The following GPHN variants were observed in gnomAD, a reference collection of about 807,000 sequenced individuals.
GPHN encodes the protein gephyrin.
Under a neutral mutation model 95.5 loss-of-function variants are expected in GPHN, and 17 were observed. The observed-to-expected ratio is 0.18, with a 90% confidence interval of 0.12 to 0.27. GPHN has a LOEUF of 0.27. GPHN is among the 10% of genes least tolerant of loss of function. The pLI, the probability that GPHN is intolerant of heterozygous loss-of-function variation, is 1.00. For missense variants in GPHN, 660 were observed against 978.1 expected (o/e 0.67, Z 4.34); for synonymous variants, 320 against 322.5 (o/e 0.99, Z 0.08).
At chr14:67,606,412 T>C in the GPHN span, among the ~76,000 whole-genome samples, 3 of 152,230 alleles carry the variant, frequency 2.0e-5, no homozygotes, top group Non-Finnish European at 4.4e-5. Context: ...TAAAGGTTTT[T>C]TAATGTAATA....
chr14:66,766,654 T>C (rs1022405102), intron 2 of GPHN, among the ~76,000 whole-genome samples: 2 of 151,988 alleles, frequency 1.3e-5, no homozygotes, highest in African/African-American at 4.8e-5. Flanking sequence ...CAGAATGATA[T>C]AGAAACAATA....
At chr14:67,071,238 G>A (rs1352714740) in intron 11 of GPHN, among the ~76,000 whole-genome samples, 1 of 152,108 alleles carries the variant, frequency 6.6e-6, no homozygotes. Flanking sequence ...CAACCCAAAT[G>A]TCCATCAATG....
chr14:67,244,267 C>T, the GPHN span, among the ~76,000 whole-genome samples: 2 of 152,158 alleles, frequency 1.3e-5, no homozygotes, highest in Non-Finnish European at 2.9e-5. Context: ...GTATACCTAC[C>T]TATAAGTGGA....
intron 1 of GPHN, among the ~76,000 whole-genome samples, chr14:66,569,347 T>G (rs1260918616): frequency 6.6e-6 from 1 of 152,088 alleles, no homozygotes; most frequent in East Asian, 1.9e-4. Flanking sequence ...CCTTCCTCTT[T>G]AACACACACA....
At chr14:67,699,423 C>G in the GPHN span, among the ~76,000 whole-genome samples, 1 of 151,092 alleles carries the variant, frequency 6.6e-6, no homozygotes, top group African/African-American at 2.4e-5. Context: ...AATAAATAAA[C>G]AAAAAATAAA....
chr14:66,865,081 A>T (rs1703791365), intron 4 of GPHN, among the ~76,000 whole-genome samples: 2 of 152,142 alleles, frequency 1.3e-5, no homozygotes, highest in South Asian at 4.1e-4. Context: ...ACGCATGGAG[A>T]TATATAGTAG....
At chr14:67,543,290 T>C in the GPHN span, among the ~76,000 whole-genome samples, 1 of 152,222 alleles carries the variant, frequency 6.6e-6, no homozygotes, top group Non-Finnish European at 1.5e-5. Flanking sequence ...GGCATCACCA[T>C]GGCTAAGGGG....
chr14:67,328,141 C>G, the GPHN span, among the ~76,000 whole-genome samples: 42 of 152,274 alleles, frequency 2.8e-4, no homozygotes, highest in Non-Finnish European at 5.4e-4. Flanking sequence ...CTCTCCAGCA[C>G]CTGTTGTTTC....
the GPHN span, among the ~76,000 whole-genome samples, chr14:67,250,407 A>G: frequency 6.6e-6 from 1 of 152,220 alleles, no homozygotes; most frequent in African/African-American, 2.4e-5. Flanking sequence ...AAAATAAGTT[A>G]TGTGTTAAAC....
At chr14:67,314,512 C>G in the GPHN span, among the ~76,000 whole-genome samples, 1 of 152,080 alleles carries the variant, frequency 6.6e-6, no homozygotes, top group Non-Finnish European at 1.5e-5. Context: ...ATGCTAAAAC[C>G]CGTGATTCTT....
intron 18 of GPHN, among the ~76,000 whole-genome samples, chr14:67,144,274 T>TACAC (rs1567401011): frequency 8.7e-6 from 1 of 115,574 alleles, no homozygotes; most frequent in East Asian, 2.6e-4. Context: ...TATATATATA[T>TACAC]ATATATATAT....
At chr14:67,080,517 T>G (rs1212530361) in intron 11 of GPHN, among the ~76,000 whole-genome samples, 1 of 152,174 alleles carries the variant, frequency 6.6e-6, no homozygotes, top group Non-Finnish European at 1.5e-5. Flanking sequence ...CTTCCTGTTT[T>G]CTTCTAGTTT....
chr14:67,400,188 CAG>C, the GPHN span, among the ~76,000 whole-genome samples: 1 of 152,184 alleles, frequency 6.6e-6, no homozygotes, highest in Non-Finnish European at 1.5e-5. Context: ...TGAGCCCAAA[CAG>C]AATTTACTGT....
chr14:67,439,503 A>G, the GPHN span, among the ~76,000 whole-genome samples: 1 of 152,154 alleles, frequency 6.6e-6, no homozygotes, highest in Admixed American at 6.5e-5. Context: ...GAGCTTGAAA[A>G]TGGACCTAAG....
chr14:66,643,127 G>T (rs899010572), intron 1 of GPHN, among the ~76,000 whole-genome samples: 2 of 151,994 alleles, frequency 1.3e-5, no homozygotes, highest in Middle Eastern at 3.2e-3. Context: ...TTCACAAATA[G>T]TATATGTTCA....
the GPHN span, among the ~76,000 whole-genome samples, chr14:67,599,737 G>A: frequency 6.6e-6 from 1 of 152,222 alleles, no homozygotes; most frequent in Non-Finnish European, 1.5e-5. Context: ...GGCAGTTAAA[G>A]TTTTAGGCCG....
chr14:67,626,544 G>A, the GPHN span, among the ~76,000 whole-genome samples: 3 of 151,916 alleles, frequency 2.0e-5, no homozygotes, highest in Admixed American at 2.0e-4. Context: ...AGACAGTCTC[G>A]CTCTTTCACC....
rs186576659 is a variant in GPHN, at chr14:66,683,568, A to T, written c.143+2383A>T. 3.9e-3 allele frequency among the ~76,000 whole-genome samples: 537 copies of T among 138,748 alleles called. 1 individual carries two copies. Among genetic ancestry groups the T allele is most frequent in the Non-Finnish European group, 5.0e-3 (332 of 65,844 alleles). The allele number at this position is 138,748 out of a possible 152,430, so 91.0% of individuals were successfully genotyped here. ...CTTTTCTGTCTCAGACTCTTGGCAT[A>T]AATGTTCACTACTTTTCATTGATTC... On this transcript the variant is annotated intron_variant, in intron 2 of 22. Coordinates refer to ENST00000478722, the MANE Select transcript of GPHN (RefSeq NM_020806.5).
chr14:67,206,627 T>C, the GPHN span, among the ~76,000 whole-genome samples: 1 of 152,142 alleles, frequency 6.6e-6, no homozygotes, highest in Non-Finnish European at 1.5e-5. Flanking sequence ...AGACAGAACT[T>C]CAAGATGATC....
Sources: gnomAD v4.1 joint callset for allele counts (sites outside exome capture counted in the v4.1 genomes callset) on GRCh38, gnomAD v4.1.1 for gene constraint, MANE v1.5 for transcripts, NCBI Gene and HGNC (gene_info 2026-07-23, HGNC 2026-07-21) for gene names.